Variants in CNTNAP4 observed in about 807,000 individuals in gnomAD.
CNTNAP4 encodes the protein contactin associated protein family member 4, also known as contactin-associated protein-like 4.
In CNTNAP4, 98 loss-of-function variants were observed where a neutral mutation model predicts 148.4. That is an observed-to-expected ratio of 0.66 (90% CI 0.56 to 0.78). The LOEUF (loss-of-function observed/expected upper bound fraction) is 0.78. CNTNAP4 is among the 30% of genes least tolerant of loss of function. The probability of loss-of-function intolerance (pLI) is 0.00; values close to 1 mark genes in which losing one functional copy is unlikely to be tolerated. For missense variants in CNTNAP4, 1,935 were observed against 1,565.6 expected (o/e 1.24, Z -3.98); for synonymous variants, 730 against 565.1 (o/e 1.29, Z -4.14).
In CNTNAP4 at chr16:76,475,961, C is replaced by T; in HGVS notation, c.1678C>T (p.His560Tyr). 6.2e-7 allele frequency: 1 copy of T among 1,613,662 alleles called. No individual in the cohort carries two copies. The highest frequency in any genetic ancestry group is 8.5e-7 in the Non-Finnish European group (1 of 1,179,642). The change falls in exon 11 of 24, where the codon CAC becomes TAC. Residue 560 changes from histidine (H) to tyrosine (Y), a missense_variant. Transcript: ENST00000611870. ...SDRCLPNYCEHGGECSQSWST... is the reference protein window; with the variant it reads ...SDRCLPNYCEYGGECSQSWST... ...TAGGTGTTTGCCCAACTATTGTGAACACGGTGGGGAGTGTTCCCAGTCCTG... is the reference window on the plus strand; with the variant it reads ...TAGGTGTTTGCCCAACTATTGTGAATACGGTGGGGAGTGTTCCCAGTCCTG...
chr16:76,550,852 A>G (rs1479267898), intron 21 of CNTNAP4, among the ~76,000 whole-genome samples: 1 of 152,088 alleles, frequency 6.6e-6, no homozygotes, highest in East Asian at 1.9e-4. Context: ...AGTCATCTTT[A>G]TGTTTGAGGA....
chr16:76,552,169 C>G (rs536417195), intron 21 of CNTNAP4, among the ~76,000 whole-genome samples: 1 of 152,186 alleles, frequency 6.6e-6, no homozygotes, highest in African/African-American at 2.4e-5. Context: ...CTTCCAAACA[C>G]TTATAAAACT....
intron 3 of CNTNAP4, among the ~76,000 whole-genome samples, chr16:76,396,698 G>T (rs932436308): frequency 1.3e-5 from 2 of 152,098 alleles, no homozygotes; most frequent in African/African-American, 4.8e-5. Context: ...TCCCATCTTT[G>T]TCAGCATCCT....
chr16:76,506,720 C>G lies in CNTNAP4; in HGVS notation c.2365+8026C>G, dbSNP rs1425602925. 4.7e-4 allele frequency among the ~76,000 whole-genome samples: 44 copies of G among 94,082 alleles called. 3 individuals are homozygous for G. The highest frequency in any genetic ancestry group is 1.1e-3 in the African/African-American group (43 of 38,186). 61.7% of individuals were successfully genotyped at this position (94,082 alleles called of 152,430 possible). A position where few individuals can be genotyped will look rare whatever the true frequency, so the allele number is the denominator to read the frequency against. On this transcript the variant is annotated intron_variant, in intron 15 of 23. Transcript: ENST00000611870. ...CCCAGACCTCAAATGATCTGCCCAC[C>G]TCGGCCTCCCACAGTGCTAGGACTA...
chr16:76,492,626 G>T (rs562547140), intron 13 of CNTNAP4, among the ~76,000 whole-genome samples: 18 of 152,242 alleles, frequency 1.2e-4, no homozygotes, highest in Non-Finnish European at 2.4e-4. Context: ...GGAGATAATT[G>T]AATCATGGGG....
intron 18 of CNTNAP4, among the ~76,000 whole-genome samples, chr16:76,536,656 A>G (rs1164718293): frequency 1.3e-5 from 2 of 152,188 alleles, no homozygotes; most frequent in African/African-American, 4.8e-5. Context: ...TACATTAATC[A>G]TACATTTTAT....
At chr16:76,442,980 G>T (rs182303419) in intron 4 of CNTNAP4, among the ~76,000 whole-genome samples, 2 of 152,206 alleles carry the variant, frequency 1.3e-5, no homozygotes, top group Admixed American at 6.5e-5. Context: ...TGAAAAGGGG[G>T]CTAGACTAAA....
intron 17 of CNTNAP4, among the ~76,000 whole-genome samples, chr16:76,534,594 A>G (rs549573396): frequency 1.3e-5 from 2 of 152,286 alleles, no homozygotes; most frequent in East Asian, 3.9e-4. Context: ...CAGGGCTTAC[A>G]CTTCTATCAG....
At chr16:76,499,099 G>A (rs577871064) in intron 15 of CNTNAP4, among the ~76,000 whole-genome samples, 2 of 134,844 alleles carry the variant, frequency 1.5e-5, no homozygotes, top group Non-Finnish European at 3.1e-5. Context: ...ACAGAGTCTC[G>A]CTCTGTTGCT....
intron 3 of CNTNAP4, among the ~76,000 whole-genome samples, chr16:76,425,259 G>C (rs1191711869): frequency 6.6e-6 from 1 of 152,174 alleles, no homozygotes; most frequent in Non-Finnish European, 1.5e-5. Flanking sequence ...AGATGCGCTA[G>C]GTAAGTGTCC....
At chr16:76,435,275 T>C (rs777462869) in intron 4 of CNTNAP4, among the ~76,000 whole-genome samples, 49 of 152,254 alleles carry the variant, frequency 3.2e-4, no homozygotes, top group Non-Finnish European at 5.6e-4. Flanking sequence ...TTATATAAAT[T>C]AAGCAGGAGT....
intron 3 of CNTNAP4, among the ~76,000 whole-genome samples, chr16:76,384,007 TTTTTTG>T (rs1393025211): frequency 6.6e-6 from 1 of 151,978 alleles, no homozygotes; most frequent in Admixed American, 6.6e-5. Context: ...TTTTGTTTTG[TTTTTTG>T]TTTTTGTTTG....
chr16:76,560,343 C>A lies in CNTNAP4; in HGVS notation c.*1660C>A, dbSNP rs551399534. On this transcript the variant is annotated 3_prime_UTR_variant, in exon 24 of 24. Transcript: ENST00000611870. The stretch of plus-strand genomic sequence containing the variant: ...TAGCACTATATCCATATTGATGTTT[C>A]TGCAAATGCCTGACTAAATCTTAAG... Among the ~76,000 whole-genome samples the A allele has an allele frequency of 1.3e-5, 2 of 152,232 alleles. No individual in the cohort carries two copies. The highest frequency in any genetic ancestry group is 4.8e-5 in the African/African-American group (2 of 41,554).
chr16:76,447,838 T>G (rs1003677595), intron 4 of CNTNAP4, among the ~76,000 whole-genome samples, 174 bp from the exon 5 acceptor site: 4 of 152,222 alleles, frequency 2.6e-5, no homozygotes, highest in Non-Finnish European at 5.9e-5. Flanking sequence ...ACTAACAATA[T>G]TTTTAACTTA....
intron 3 of CNTNAP4, among the ~76,000 whole-genome samples, chr16:76,408,607 T>C (rs558326293): frequency 1.3e-5 from 2 of 152,050 alleles, no homozygotes; most frequent in African/African-American, 4.8e-5. Context: ...CTTAAATATT[T>C]GTGTGCAAAT....
At chr16:76,430,669 C>T (rs1380061416) in intron 4 of CNTNAP4, among the ~76,000 whole-genome samples, 1 of 152,168 alleles carries the variant, frequency 6.6e-6, no homozygotes, top group East Asian at 1.9e-4. Flanking sequence ...TGGCCATCCT[C>T]CCCTGTCTGT....
rs755971369 is a variant in CNTNAP4, at chr16:76,522,139, G to A, written c.2637G>A (p.Val879=). The A allele has an allele frequency of 2.5e-6, 4 of 1,614,000 alleles. No homozygotes were observed. In the South Asian group the frequency reaches 3.3e-5, roughly 13 times the overall value. Reference sequence around the variant, plus strand: ...TCAACGACAACCAGTGGCACCATGTGAGGGTTGAAAGGAACATGAAGGAGG... The same window carrying A: ...TCAACGACAACCAGTGGCACCATGTAAGGGTTGAAAGGAACATGAAGGAGG... The part of the protein sequence containing the change: ...THFNDNQWHH[V]RVERNMKEAS... The change falls in exon 17 of 24, where the codon GTG becomes GTA. Residue 879 remains valine, a synonymous_variant. Coordinates refer to ENST00000611870, the MANE Select transcript of CNTNAP4 (RefSeq NM_033401.5).
At chr16:76,469,213 G>T (rs913961833) in intron 10 of CNTNAP4, among the ~76,000 whole-genome samples, 2 of 152,156 alleles carry the variant, frequency 1.3e-5, no homozygotes, top group African/African-American at 2.4e-5. Context: ...AAAACAATTT[G>T]CAGAGAAAAC....
Position 76,355,489 on chromosome 16 carries a change from A to G in CNTNAP4, c.368A>G (p.Tyr123Cys), listed in dbSNP as rs775444890. ...FSDSGWNWKQ[Y>C]RQEDSIWGFS... ...GATAGTGGCTGGAACTGGAAACAAT[A>G]TCGCCAAGAGGACAGCATCTGGGTA... The change falls in exon 3 of 24, where the codon TAT (tyrosine) becomes TGT (cysteine). Residue 123 changes from tyrosine (Y) to cysteine (C), a missense_variant. Transcript: ENST00000611870. The G allele has an allele frequency of 4.3e-6, 7 of 1,610,010 alleles. No individual in the cohort carries two copies. In the African/African-American group the frequency reaches 8.0e-5, roughly 18 times the overall value.
Sources: gnomAD v4.1 joint callset for allele counts (sites outside exome capture counted in the v4.1 genomes callset) on GRCh38, gnomAD v4.1.1 for gene constraint, MANE v1.5 for transcripts, NCBI Gene and HGNC (gene_info 2026-07-23, HGNC 2026-07-21) for gene names.